Variants in SEC31A observed in about 807,000 individuals in gnomAD.
SEC31A encodes SEC31 homolog A, COPII component, also known as protein transport protein Sec31A.
SEC31A carries 70 observed loss-of-function variants against 151.0 expected under a neutral mutation model. The ratio of observed to expected loss-of-function variants is 0.46; its 90% CI spans 0.38 to 0.57. SEC31A has a LOEUF of 0.57. Among genes scored for constraint, SEC31A ranks in the 20% least tolerant of loss-of-function variants. The pLI, the probability that SEC31A is intolerant of heterozygous loss-of-function variation, is 0.00. For missense variants in SEC31A, 1,330 were observed against 1,471.2 expected (o/e 0.90, Z 1.57); for synonymous variants, 475 against 505.9 (o/e 0.94, Z 0.82).
rs373210854 is a variant in SEC31A at position 82,842,150 on chromosome 4, G to C, written c.2958C>G (p.Ser986=). 1.9e-6 allele frequency: 3 copies of C among 1,558,618 alleles called. No homozygotes were observed. Among genetic ancestry groups the C allele is most frequent in the Non-Finnish European group, 2.6e-6 (3 of 1,151,478 alleles). The change falls in exon 22 of 27, where the codon TCC becomes TCG. Residue 986 remains serine, a synonymous_variant. Coordinates refer to ENST00000395310, the MANE Select transcript of SEC31A (RefSeq NM_001077207.4). ...TLPAASELPA[S]QRTGPQNGWN... is the part of the protein sequence containing the mutation. ...CTTTCAAGCGCAGACCTGTTCTTTG[G>C]GACGCAGGCAGCTCACTGGCAGCAG...
chr4:82,827,257 A>T, intron 24 of SEC31A, 112 bp downstream of exon 24: 1 of 1,222,502 alleles, frequency 8.2e-7, no homozygotes. Flanking sequence ...TTTTTTGTTT[A>T]GGTTGTCTAG....
rs1368830130 is a variant in SEC31A at position 82,870,371 on chromosome 4, C to T, written c.836G>A (p.Cys279Tyr). ...GCAGAGAATCTTAGCATCTTTTCCA[C>T]AGCTCAGTAACAATTCAGGATCTGC... is the stretch of plus-strand genomic sequence containing the variant. The part of the protein sequence containing the change: ...SMADPELLLS[C>Y]GKDAKILCSN... The change falls in exon 8 of 27, where the codon TGT becomes TAT. Residue 279 changes from cysteine to tyrosine, a missense_variant. Cys to Tyr is a radical substitution (Grantham distance 194). Coordinates refer to ENST00000395310, the MANE Select transcript of SEC31A (RefSeq NM_001077207.4). 6.2e-7 allele frequency: 1 copy of T among 1,613,984 alleles called. No homozygotes were observed.
rs56888042 is a variant in SEC31A at position 82,837,199 on chromosome 4, A to ATATATATATATATATATAT, written c.2968+4940_2968+4941insATATATATATATATATATA. Among the ~76,000 whole-genome samples the ATATATATATATATATATAT allele has an allele frequency of 8.4e-5, 7 of 83,132 alleles. 3 individuals are homozygous for ATATATATATATATATATAT. Among genetic ancestry groups the ATATATATATATATATATAT allele is most frequent in the Non-Finnish European group, 1.5e-4 (6 of 41,044 alleles). The allele number at this position is 83,132 out of a possible 152,430, so 54.5% of individuals were successfully genotyped here. On this transcript the variant is annotated intron_variant, in intron 22 of 26. Coordinates refer to ENST00000395310, the MANE Select transcript of SEC31A (RefSeq NM_001077207.4). Reference sequence around the variant, plus strand: ...TATATATATATATATATATATATATAATTTCACCACAATAAAAACTTTAAT... The same window carrying ATATATATATATATATATAT: ...TATATATATATATATATATATATATATATATATATATATATATATATTTCACCACAATAAAAACTTTAAT...
chr4:82,881,616 T>C (rs531204269), intron 2 of SEC31A, among the ~76,000 whole-genome samples: 21 of 152,334 alleles, frequency 1.4e-4, no homozygotes, highest in Non-Finnish European at 1.9e-4. Flanking sequence ...CTATTGTGCT[T>C]AATACTGGAG....
chr4:82,837,781 A>G (rs186570761), intron 22 of SEC31A, among the ~76,000 whole-genome samples: 181 of 152,290 alleles, frequency 1.2e-3, no homozygotes, highest in Non-Finnish European at 1.4e-3. Context: ...GCATGGGTGG[A>G]GTTGCACAGC....
intron 7 of SEC31A, 54 bp downstream of exon 7, chr4:82,871,890 C>G: frequency 1.9e-6 from 3 of 1,611,280 alleles, no homozygotes; most frequent in East Asian, 2.2e-5. Context: ...GAAAACATCA[C>G]CGACATGTTC....
At chr4:82,869,836 C>T (rs1021892037) in intron 8 of SEC31A, among the ~76,000 whole-genome samples, 1 of 152,120 alleles carries the variant, frequency 6.6e-6, no homozygotes, top group South Asian at 2.1e-4. Flanking sequence ...CACTAGCAAT[C>T]ATCTACCTTC....
chr4:82,827,607 A>G lies in SEC31A; in HGVS notation c.3053T>C (p.Val1018Ala). The G allele has an allele frequency of 6.2e-7, 1 of 1,614,140 alleles. No homozygotes were observed. The highest frequency in any genetic ancestry group is 8.5e-7 in the Non-Finnish European group (1 of 1,179,968). ...KKMPENFMPP[V>A]PITSPIMNPL... ...GTTCATGATTGGTGATGTGATGGGA[A>G]CAGGAGGCATGAAGTTTTCAGGCAT... Residue 1018 changes from valine to alanine, a missense_variant, in exon 24 of 27, where the codon GTT becomes GCT. Physicochemically the swap from Val to Ala is moderately conservative, Grantham distance 64 (BLOSUM62 0). Coordinates refer to ENST00000395310, the MANE Select transcript of SEC31A (RefSeq NM_001077207.4).
chr4:82,888,363 A>C (rs1449582963), intron 1 of SEC31A, among the ~76,000 whole-genome samples: 28 of 6,338 alleles, frequency 4.4e-3, no homozygotes, highest in Non-Finnish European at 7.0e-3. Flanking sequence ...AAAAAAAAAA[A>C]AAAAAAAAAA....
At chr4:82,826,503 C>T (rs1724607005) in intron 24 of SEC31A, among the ~76,000 whole-genome samples, 1 of 152,180 alleles carries the variant, frequency 6.6e-6, no homozygotes, top group Admixed American at 6.5e-5. Context: ...ACAGGCGCCG[C>T]CACCACGCCC....
At chr4:82,819,317 A>G in intron 26 of SEC31A, 64 bp from the exon 27 acceptor site, 1 of 1,208,040 alleles carries the variant, frequency 8.3e-7, no homozygotes, top group Non-Finnish European at 1.1e-6. Context: ...GAGATCCTCC[A>G]TAAACATTAA....
chr4:82,839,316 A>G (rs946779656), intron 22 of SEC31A, among the ~76,000 whole-genome samples: 1 of 151,998 alleles, frequency 6.6e-6, no homozygotes, highest in Non-Finnish European at 1.5e-5. Flanking sequence ...ACGCCTGGCT[A>G]ATTTTTGTGT....
Position 82,864,433 on chromosome 4 carries a change from T to A in SEC31A, c.1363A>T (p.Ile455Phe), listed in dbSNP as rs1734853359. The change falls in exon 11 of 27, where the codon ATC (isoleucine) becomes TTC (phenylalanine). Residue 455 changes from isoleucine (I) to phenylalanine (F), a missense_variant. Ile to Phe is a conservative substitution (Grantham distance 21, BLOSUM62 0). Coordinates refer to ENST00000395310, the MANE Select transcript of SEC31A (RefSeq NM_001077207.4). ...LQQAVQSQGF[I>F]NYCQKKIDAS... is the part of the protein sequence containing the mutation. ...TCAATTTTTTTTTGGCAATAATTGA[T>A]AAATCCTTGTGACTGCACAGCCTGC... 1 of 1,614,082 alleles carries A rather than the reference T, an allele frequency of 6.2e-7. No homozygotes were observed. The highest frequency in any genetic ancestry group is 8.5e-7 in the Non-Finnish European group (1 of 1,180,044).
chr4:82,830,234 G>C (rs1725614447), intron 22 of SEC31A, among the ~76,000 whole-genome samples: 1 of 152,198 alleles, frequency 6.6e-6, no homozygotes, highest in Non-Finnish European at 1.5e-5. Flanking sequence ...GCTGAGGCGG[G>C]TGGATCACTT....
chr4:82,854,939 T>G lies in SEC31A; in HGVS notation c.1972A>C (p.Thr658Pro). ...GAAAATTCATCCGGCTTTGCATAAG[T>G]CAATACTGCAGCTAAAGCCTCTCTC... is the stretch of plus-strand genomic sequence containing the variant. ...NWREALAAVL[T>P]YAKPDEFSAL... is the part of the protein sequence containing the mutation. The change falls in exon 17 of 27, where the codon ACT (threonine) becomes CCT (proline). Residue 658 changes from threonine to proline, a missense_variant. Coordinates refer to ENST00000395310, the MANE Select transcript of SEC31A (RefSeq NM_001077207.4). The G allele has an allele frequency of 1.2e-6, 2 of 1,613,800 alleles. No individual in the cohort carries two copies.
chr4:82,874,293 G>A lies in SEC31A; in HGVS notation c.639+318C>T, dbSNP rs113671063. Among the ~76,000 whole-genome samples the A allele has an allele frequency of 7.7e-3, 1,094 of 142,326 alleles. 16 individuals carry two copies. Among genetic ancestry groups the A allele is most frequent in the Middle Eastern group, 0.012 (3 of 258 alleles). 93.4% of individuals were successfully genotyped at this position (142,326 alleles called of 152,430 possible). A position where few individuals can be genotyped will look rare whatever the true frequency, so the allele number is the denominator to read the frequency against. ...AGCCTGGGCGACAAAGCGAGACTCCGTCTCAAGAAAAAAAAAAAAAAAGTT... is the reference window on the plus strand; with the variant it reads ...AGCCTGGGCGACAAAGCGAGACTCCATCTCAAGAAAAAAAAAAAAAAAGTT... On this transcript the variant is annotated intron_variant, in intron 6 of 26. Coordinates refer to ENST00000395310, the MANE Select transcript of SEC31A (RefSeq NM_001077207.4).
chr4:82,880,166 A>G (rs1738947596), intron 3 of SEC31A, among the ~76,000 whole-genome samples: 1 of 151,536 alleles, frequency 6.6e-6, no homozygotes, highest in Admixed American at 6.6e-5. Flanking sequence ...CTGGGCAACA[A>G]GAGTGAAACT....
chr4:82,828,673 CAAAAAA>C (rs397994259), intron 23 of SEC31A, among the ~76,000 whole-genome samples: 10 of 44,110 alleles, frequency 2.3e-4, no homozygotes, highest in South Asian at 1.7e-3. Context: ...CAAAGTAACT[CAAAAAA>C]AAAAAAAAAA....
At chr4:82,875,919 C>T in intron 4 of SEC31A, 97 bp from the exon 5 acceptor site, 1 of 538,054 alleles carries the variant, frequency 1.9e-6, no homozygotes. Flanking sequence ...ATGTAGCATA[C>T]ACAATTTTTC....
Sources: gnomAD v4.1 joint callset for allele counts (sites outside exome capture counted in the v4.1 genomes callset) on GRCh38, gnomAD v4.1.1 for gene constraint, MANE v1.5 for transcripts, NCBI Gene and HGNC (gene_info 2026-07-23, HGNC 2026-07-21) for gene names.